The following FOXK1 variants were observed in gnomAD, a reference collection of about 807,000 sequenced individuals.
FOXK1 encodes forkhead box protein K1.
A neutral mutation model predicts 51.9 loss-of-function variants in FOXK1; 19 were observed. The ratio of observed to expected loss-of-function variants is 0.37; its 90% confidence interval spans 0.26 to 0.54. FOXK1 has a LOEUF of 0.54. Ranked by LOEUF, FOXK1 falls within the 20% of genes least tolerant of loss-of-function variation. The pLI is 0.87. For missense variants in FOXK1, 870 were observed against 1,032.7 expected (o/e 0.84, Z 2.16); for synonymous variants, 537 against 482.6 (o/e 1.11, Z -1.48).
At chr7:4,728,334 C>G (rs1015409846) in intron 1 of FOXK1, among the ~76,000 whole-genome samples, 1 of 152,162 alleles carries the variant, frequency 6.6e-6, no homozygotes, top group Non-Finnish European at 1.5e-5. Flanking sequence ...AAAGAGCACC[C>G]AGATTTTAAC....
rs138107884 is a variant in FOXK1 at position 4,702,356 on chromosome 7, T to A, written c.560+19488T>A. ...GTGGGGTTTTTTTATTTATTTATTT[T>A]TTTTGAGATAGAGTCTCACTCTGTC... On this transcript the variant is annotated intron_variant, in intron 1 of 8. Coordinates refer to ENST00000328914, the MANE Select transcript of FOXK1 (RefSeq NM_001037165.2). 2.7e-3 allele frequency among the ~76,000 whole-genome samples: 411 copies of A among 152,244 alleles called. 2 individuals are homozygous for A. Among genetic ancestry groups the A allele is most frequent in the East Asian group, 7.2e-3 (37 of 5,170 alleles).
At chr7:4,689,279 C>T (rs1160185875) in intron 1 of FOXK1, among the ~76,000 whole-genome samples, 1 of 152,122 alleles carries the variant, frequency 6.6e-6, no homozygotes, top group Non-Finnish European at 1.5e-5. Flanking sequence ...CACCCGGCCA[C>T]CGGTACTTTT....
At chr7:4,727,381 T>C (rs1217551312) in intron 1 of FOXK1, among the ~76,000 whole-genome samples, 1 of 152,156 alleles carries the variant, frequency 6.6e-6, no homozygotes, top group East Asian at 1.9e-4. Context: ...GATGGTGTGA[T>C]CTCAGCTCAT....
chr7:4,744,599 T>TG (rs937369316), intron 2 of FOXK1, among the ~76,000 whole-genome samples: 16 of 152,252 alleles, frequency 1.1e-4, no homozygotes, highest in African/African-American at 3.4e-4. Flanking sequence ...TTTTTATAGC[T>TG]GGGAGTAAAG....
At position 4,682,492 on chromosome 7, in the gene FOXK1, C is replaced by T. The variant is rs1291832655; in HGVS notation, c.184C>T (p.Pro62Ser). The change falls in exon 1 of 9, where the codon CCG becomes TCG. Residue 62 changes from proline (P) to serine (S), a missense_variant. Pro to Ser is a moderately conservative substitution (Grantham distance 74). Coordinates refer to ENST00000328914, the MANE Select transcript of FOXK1 (RefSeq NM_001037165.2). This position sits in a 1 kb window ranked among gnomAD's most constrained non-coding sequence, Gnocchi z 7.6. ...PPPPPPPPLPPGAIAGAGSSG... is the reference protein window; with the variant it reads ...PPPPPPPPLPSGAIAGAGSSG... ...GCCGCCGCCGCCACCGCCGCTGCCTCCGGGCGCGATCGCGGGCGCGGGCTC... is the reference window on the plus strand; with the variant it reads ...GCCGCCGCCGCCACCGCCGCTGCCTTCGGGCGCGATCGCGGGCGCGGGCTC... The T allele has an allele frequency of 3.9e-6, 4 of 1,014,354 alleles. No individual in the cohort carries two copies. In the East Asian group the frequency reaches 2.9e-4, roughly 73 times the overall value. The allele number at this position is 1,014,354 out of a possible 1,614,324, so 62.8% of individuals were successfully genotyped here.
In FOXK1 at chr7:4,759,109, C is replaced by T; in HGVS notation, c.1303C>T (p.Gln435Ter). 6.2e-7 allele frequency: 1 copy of T among 1,611,724 alleles called. No homozygotes were observed. The change falls in exon 6 of 9, where the codon CAG becomes TAG. Residue 435 changes from glutamine to a stop codon, truncating the protein, a stop_gained. Coordinates refer to ENST00000328914, the MANE Select transcript of FOXK1 (RefSeq NM_001037165.2). LOFTEE classifies it high-confidence loss of function. ...GLMSPRSGGL[Q>*]TPECLSREGS... ...GATGTCCCCTCGCTCCGGCGGCCTG[C>T]AGACCCCAGAGTGCCTGTCTCGGGA...
At chr7:4,702,101 A>G (rs6972434) in intron 1 of FOXK1, among the ~76,000 whole-genome samples, 11,235 of 152,076 alleles carry the variant, frequency 0.074, 1,274 homozygotes, top group African/African-American at 0.25. Context: ...AGCAACAACA[A>G]CAAAACCAAA....
chr7:4,704,394 T>G (rs1780055909), intron 1 of FOXK1, among the ~76,000 whole-genome samples: 1 of 143,056 alleles, frequency 7.0e-6, no homozygotes, highest in Non-Finnish European at 1.5e-5. Context: ...AAGATTGTAG[T>G]GAGCTGAGAT....
intron 1 of FOXK1, among the ~76,000 whole-genome samples, chr7:4,724,376 T>C (rs1299019806): frequency 2.0e-5 from 3 of 152,048 alleles, no homozygotes; most frequent in Non-Finnish European, 4.4e-5. Flanking sequence ...ATGTATTTTT[T>C]TGTAGAGACG....
At chr7:4,739,266 C>T (rs1003149308) in intron 1 of FOXK1, among the ~76,000 whole-genome samples, 1 of 152,204 alleles carries the variant, frequency 6.6e-6, no homozygotes, top group Non-Finnish European at 1.5e-5. Flanking sequence ...CTCTGAAAAG[C>T]GCATTATCAC....
chr7:4,705,093 A>G (rs1328779629), intron 1 of FOXK1, among the ~76,000 whole-genome samples: 1 of 152,034 alleles, frequency 6.6e-6, no homozygotes, highest in Non-Finnish European at 1.5e-5. Flanking sequence ...CAGCCTCCCA[A>G]AGTACTGGGA....
At chr7:4,760,963 C>T (rs1041436437) in intron 7 of FOXK1, 101 bp from the exon 8 acceptor site, 51 of 1,102,000 alleles carry the variant, frequency 4.6e-5, no homozygotes, top group Non-Finnish European at 6.4e-5. Context: ...TTCCCAGTGC[C>T]GACCTCACTT....
intron 1 of FOXK1, among the ~76,000 whole-genome samples, chr7:4,699,628 A>T (rs1209984808): frequency 6.6e-6 from 1 of 152,104 alleles, no homozygotes; most frequent in Non-Finnish European, 1.5e-5. Flanking sequence ...TCAGGCTTCC[A>T]CAGTGCCGGG....
At position 4,707,992 on chromosome 7, in the gene FOXK1, C is replaced by T. The variant is rs1213455775; in HGVS notation, c.560+25124C>T. ...GCCACTGCGCTCAGCCTGTTTTCAC[C>T]TGTTTTCTGAAATCTGAGTAAATGT... On this transcript the variant is annotated intron_variant, in intron 1 of 8. Coordinates refer to ENST00000328914, the MANE Select transcript of FOXK1 (RefSeq NM_001037165.2). The surrounding 1 kb of genome is among the most constrained non-coding windows in gnomAD (Gnocchi z 4.1). Among the ~76,000 whole-genome samples, 1 of 152,044 alleles carries T rather than the reference C, an allele frequency of 6.6e-6. No homozygotes were observed. Among genetic ancestry groups the T allele is most frequent in the Non-Finnish European group, 1.5e-5 (1 of 68,024 alleles).
At chr7:4,684,625 C>T (rs1779796267) in intron 1 of FOXK1, among the ~76,000 whole-genome samples, 1 of 152,126 alleles carries the variant, frequency 6.6e-6, no homozygotes, top group South Asian at 2.1e-4. Context: ...ATTTCCTGGC[C>T]ACTCTCCCCT....
At chr7:4,736,444 G>C (rs1365174443) in intron 1 of FOXK1, among the ~76,000 whole-genome samples, 2 of 138,268 alleles carry the variant, frequency 1.4e-5, no homozygotes, top group Admixed American at 1.5e-4. Flanking sequence ...ACAGAGTTTT[G>C]CTCTGTTGCC....
intron 1 of FOXK1, among the ~76,000 whole-genome samples, chr7:4,725,080 G>GCCACCCACAGCGTCCTCC (rs1177760368): frequency 1.3e-5 from 2 of 152,220 alleles, no homozygotes; most frequent in East Asian, 3.8e-4. Context: ...CGGTGCACCC[G>GCCACCCACAGCGTCCTCC]CCACCCACAG....
At position 4,722,472 on chromosome 7, in the gene FOXK1, G is replaced by A. The variant is rs1045446922; in HGVS notation, c.561-18366G>A. Among the ~76,000 whole-genome samples the A allele has an allele frequency of 5.3e-5, 8 of 152,210 alleles. No homozygotes were observed. Among genetic ancestry groups the A allele is most frequent in the African/African-American group, 1.4e-4 (6 of 41,462 alleles). Reference sequence around the variant, plus strand: ...AGTGGCAGCGGTGCCGGACATACACGGCAGGGCAGTGGGCTGCTCAGCACC... The same window carrying A: ...AGTGGCAGCGGTGCCGGACATACACAGCAGGGCAGTGGGCTGCTCAGCACC... On this transcript the variant is annotated intron_variant, in intron 1 of 8. Transcript: ENST00000328914. This position sits in a 1 kb window ranked among gnomAD's most constrained non-coding sequence, Gnocchi z 5.1.
chr7:4,686,942 T>C (rs1295374217), intron 1 of FOXK1, among the ~76,000 whole-genome samples: 5 of 151,256 alleles, frequency 3.3e-5, no homozygotes, highest in Admixed American at 6.6e-5. Context: ...CTTTTCTTTT[T>C]TTTTTTTTGA....
Sources: allele counts gnomAD v4.1 joint callset (sites outside exome capture counted in the v4.1 genomes callset), GRCh38; gene constraint gnomAD v4.1.1; non-coding constraint Gnocchi (gnomAD v3.1); transcripts MANE v1.5; gene names NCBI Gene and HGNC (gene_info 2026-07-23, HGNC 2026-07-21).